ZNF438: variants seen among roughly 807,000 people sequenced by gnomAD.
The protein encoded by ZNF438 is zinc finger protein 438.
In ZNF438, 25 loss-of-function variants were observed where a neutral mutation model predicts 38.0. The observed-to-expected ratio is 0.66, with a 90% CI of 0.48 to 0.92. The LOEUF is 0.92. ZNF438 is among the 40% of genes least tolerant of loss of function. ZNF438 has a pLI of 0.00. For synonymous variants in ZNF438, 372 were observed against 364.1 expected (o/e 1.02, Z -0.25); for missense variants, 1,007 against 999.6 (o/e 1.01, Z -0.10).
chr10:30,964,544 G>C (rs901462978), intron 1 of ZNF438, among the ~76,000 whole-genome samples: 4 of 152,214 alleles, frequency 2.6e-5, no homozygotes, highest in African/African-American at 9.7e-5. Flanking sequence ...CTAGCATTCT[G>C]CAAGTATTTG....
chr10:30,893,013 G>A lies in ZNF438; in HGVS notation c.-32+15920C>T, dbSNP rs150876808. On this transcript the variant is annotated intron_variant, in intron 3 of 5. Transcript: ENST00000413025. ...CTTGCATGTACATCTTTGCTAACAC[G>A]TGGGAAGTCTATCTGCAGGAAGTCA... Among the ~76,000 whole-genome samples the A allele has an allele frequency of 1.2e-3, 182 of 152,286 alleles. 1 individual carries two copies. In the Middle Eastern group the frequency reaches 0.017, roughly 14 times the overall value.
At chr10:30,941,093 A>T (rs568357223) in intron 2 of ZNF438, among the ~76,000 whole-genome samples, 1 of 106,208 alleles carries the variant, frequency 9.4e-6, no homozygotes, top group Non-Finnish European at 2.5e-5. Context: ...TTATTTTGAC[A>T]TGGAGTCTCG....
At chr10:30,958,936 C>G (rs2049165560) in intron 1 of ZNF438, among the ~76,000 whole-genome samples, 2 of 146,938 alleles carry the variant, frequency 1.4e-5, no homozygotes, top group Admixed American at 1.4e-4. Context: ...TATAGATATG[C>G]CTCATTTTGT....
intron 1 of ZNF438, among the ~76,000 whole-genome samples, chr10:30,972,743 G>T (rs1329174219): frequency 6.6e-6 from 1 of 152,190 alleles, no homozygotes; most frequent in Non-Finnish European, 1.5e-5. Context: ...TGAATAGGAG[G>T]ACACTGGGCT....
intron 1 of ZNF438, among the ~76,000 whole-genome samples, chr10:31,022,824 A>G (rs1395527801): frequency 2.0e-5 from 3 of 152,182 alleles, no homozygotes. Context: ...CTCGACAACT[A>G]TTTGAAAGGA....
At chr10:30,901,098 G>C (rs773752326) in intron 3 of ZNF438, among the ~76,000 whole-genome samples, 12 of 152,134 alleles carry the variant, frequency 7.9e-5, no homozygotes, top group Non-Finnish European at 1.8e-4. Context: ...TGATACATTA[G>C]CAATAAACAC....
At chr10:30,881,577 T>G (rs1389536380) in intron 3 of ZNF438, among the ~76,000 whole-genome samples, 1 of 152,096 alleles carries the variant, frequency 6.6e-6, no homozygotes, top group Non-Finnish European at 1.5e-5. Context: ...AATATATAAA[T>G]TCAATGTGAT....
At chr10:30,879,070 C>T (rs190168866) in intron 3 of ZNF438, among the ~76,000 whole-genome samples, 1 of 152,170 alleles carries the variant, frequency 6.6e-6, no homozygotes, top group Non-Finnish European at 1.5e-5. Context: ...AGACACAGCA[C>T]AACAGAGAGG....
At chr10:30,936,308 C>T (rs2046249711) in intron 2 of ZNF438, among the ~76,000 whole-genome samples, 1 of 152,216 alleles carries the variant, frequency 6.6e-6, no homozygotes, top group African/African-American at 2.4e-5. Context: ...TACAGAATCC[C>T]TCAAATCTAA....
Position 30,877,118 on chromosome 10 carries a change from T to C in ZNF438, c.-31-53A>G, listed in dbSNP as rs556165354. 6.2e-5 allele frequency: 61 copies of C among 982,774 alleles called. No homozygotes were observed. In the East Asian group the frequency reaches 1.7e-3, roughly 27 times the overall value. 60.9% of individuals were successfully genotyped at this position (982,774 alleles called of 1,614,324 possible). A position where few individuals can be genotyped will look rare whatever the true frequency, so the allele number is the denominator to read the frequency against. On this transcript the variant is annotated intron_variant, in intron 3 of 5. Transcript: ENST00000413025. Reference sequence around the variant, plus strand: ...TTAGAAAGTAATTGAGAGAGCATGTTAATGCATACTAAATATAGAAATTCT... The same window carrying C: ...TTAGAAAGTAATTGAGAGAGCATGTCAATGCATACTAAATATAGAAATTCT...
chr10:30,873,296 G>A (rs1044274010), intron 4 of ZNF438, among the ~76,000 whole-genome samples: 31 of 152,050 alleles, frequency 2.0e-4, no homozygotes, highest in Admixed American at 1.8e-3. Context: ...AAGGAATAAC[G>A]GTGACACTAG....
intron 3 of ZNF438, among the ~76,000 whole-genome samples, chr10:30,902,982 G>A (rs759637210): frequency 3.5e-5 from 3 of 84,818 alleles, no homozygotes; most frequent in Admixed American, 1.1e-4. Context: ...GGGAGAAATC[G>A]AGCGCAGCGC....
intron 3 of ZNF438, among the ~76,000 whole-genome samples, chr10:30,896,691 G>T (rs2041394902): frequency 6.6e-6 from 1 of 152,058 alleles, no homozygotes; most frequent in Non-Finnish European, 1.5e-5. Context: ...AGAAACCAGG[G>T]AGAAATTGGG....
intron 1 of ZNF438, among the ~76,000 whole-genome samples, chr10:31,019,379 A>T (rs2133249740): frequency 6.6e-6 from 1 of 152,380 alleles, no homozygotes; most frequent in South Asian, 2.1e-4. Flanking sequence ...CTAATGAAAG[A>T]AAAAGTTAAA....
At chr10:30,949,788 A>T (rs920356390) in intron 1 of ZNF438, among the ~76,000 whole-genome samples, 1 of 151,444 alleles carries the variant, frequency 6.6e-6, no homozygotes, top group African/African-American at 2.4e-5. Context: ...ACTCCCACAC[A>T]TTAATAATGG....
At chr10:30,867,959 A>G (rs1014859302) in intron 4 of ZNF438, among the ~76,000 whole-genome samples, 3 of 152,344 alleles carry the variant, frequency 2.0e-5, no homozygotes, top group Middle Eastern at 3.4e-3. Flanking sequence ...TTTATGGAGT[A>G]TAAGTTATAT....
intron 4 of ZNF438, among the ~76,000 whole-genome samples, chr10:30,869,483 T>C (rs2037035121): frequency 6.6e-6 from 1 of 152,206 alleles, no homozygotes. Flanking sequence ...TAAACTCTAA[T>C]ATTTTATTTC....
intron 1 of ZNF438, among the ~76,000 whole-genome samples, chr10:30,976,401 T>G (rs2051350982): frequency 6.6e-6 from 1 of 152,116 alleles, no homozygotes; most frequent in Non-Finnish European, 1.5e-5. Context: ...AAATATAAAC[T>G]AAGGTAGCAA....
At chr10:30,922,040 A>G (rs1212414411) in intron 2 of ZNF438, among the ~76,000 whole-genome samples, 1 of 152,196 alleles carries the variant, frequency 6.6e-6, no homozygotes, top group African/African-American at 2.4e-5. Flanking sequence ...TCTCATACAG[A>G]TTTTATTAAG....
Sources: allele counts gnomAD v4.1 joint callset (sites outside exome capture counted in the v4.1 genomes callset), GRCh38; gene constraint gnomAD v4.1.1; transcripts MANE v1.5; gene names NCBI Gene and HGNC (gene_info 2026-07-23, HGNC 2026-07-21).